Variants in CCDC178 observed in about 807,000 individuals in gnomAD.
The protein encoded by CCDC178 is coiled-coil domain containing 178, also known as coiled-coil domain-containing protein 178.
In CCDC178, 126 loss-of-function variants were observed where a neutral mutation model predicts 117.4. That is an observed-to-expected ratio of 1.07 (90% CI 0.93 to 1.24). The LOEUF (loss-of-function observed/expected upper bound fraction) is 1.24. Ranked by LOEUF, CCDC178 falls within the 50% of genes most tolerant of loss-of-function variation. The pLI is 0.00. For synonymous variants in CCDC178, 283 were observed against 313.4 expected (o/e 0.90, Z 1.02); for missense variants, 1,030 against 986.9 (o/e 1.04, Z -0.59).
chr18:33,406,215 A>T (rs2063778758), intron 3 of CCDC178, among the ~76,000 whole-genome samples: 2 of 152,124 alleles, frequency 1.3e-5, no homozygotes, highest in Admixed American at 6.6e-5. Flanking sequence ...CTTATTTGTA[A>T]TTGTAAACGG....
chr18:33,209,476 C>G (rs1291994123), intron 20 of CCDC178, among the ~76,000 whole-genome samples: 3 of 152,018 alleles, frequency 2.0e-5, no homozygotes, highest in Admixed American at 2.0e-4. Flanking sequence ...AGGAACACCT[C>G]AGATTAGTAA....
intron 20 of CCDC178, among the ~76,000 whole-genome samples, chr18:33,122,142 G>A (rs866335955): frequency 1.3e-5 from 2 of 152,126 alleles, no homozygotes; most frequent in South Asian, 4.1e-4. Context: ...ATACAAAAGT[G>A]TCCTGTAGAC....
chr18:33,138,967 T>C (rs1010730700), intron 20 of CCDC178, among the ~76,000 whole-genome samples: 3 of 152,170 alleles, frequency 2.0e-5, no homozygotes, highest in East Asian at 1.9e-4. Flanking sequence ...CCCACCCAAA[T>C]CATATCGTGA....
chr18:33,413,767 C>A (rs2063892008), intron 2 of CCDC178, among the ~76,000 whole-genome samples: 1 of 152,114 alleles, frequency 6.6e-6, no homozygotes, highest in Non-Finnish European at 1.5e-5. Context: ...CCACACAAAA[C>A]TTTGGAAACA....
intron 6 of CCDC178, among the ~76,000 whole-genome samples, chr18:33,367,679 T>A (rs1000210254): frequency 2.0e-5 from 3 of 152,084 alleles, no homozygotes; most frequent in Admixed American, 2.0e-4. Flanking sequence ...AAATACTGCA[T>A]AGATTTGAAC....
chr18:33,295,558 T>C (rs976341636), intron 11 of CCDC178, among the ~76,000 whole-genome samples: 12 of 152,154 alleles, frequency 7.9e-5, no homozygotes, highest in Admixed American at 3.9e-4. Context: ...TTAAAAATCT[T>C]ATATTTTCAA....
At chr18:33,044,069 A>G (rs927561432) in intron 21 of CCDC178, among the ~76,000 whole-genome samples, 49 of 146,570 alleles carry the variant, frequency 3.3e-4, no homozygotes, top group African/African-American at 9.5e-4. Context: ...GTGTGTGTGT[A>G]TGTGTGTGTG....
At position 33,232,275 on chromosome 18, in the gene CCDC178, GA is replaced by G. The variant is rs549234141; in HGVS notation, c.1594-5421del. On this transcript the variant is annotated intron_variant, in intron 15 of 22. Coordinates refer to ENST00000383096, the MANE Select transcript of CCDC178 (RefSeq NM_001105528.4). Reference sequence around the variant, plus strand: ...TCCTGTACTAGGACAAAAGATAGCTGAAAGGAGGACAAACAGTCAATACTGA... The same window carrying G: ...TCCTGTACTAGGACAAAAGATAGCTGAAGGAGGACAAACAGTCAATACTGA... 3.6e-3 allele frequency among the ~76,000 whole-genome samples: 547 copies of G among 152,188 alleles called. 4 individuals carry two copies. Among genetic ancestry groups the G allele is most frequent in the Non-Finnish European group, 2.9e-3 (194 of 68,024 alleles).
chr18:33,175,271 A>G (rs2058651718), intron 20 of CCDC178, among the ~76,000 whole-genome samples: 1 of 152,126 alleles, frequency 6.6e-6, no homozygotes. Flanking sequence ...GTCCCAACCA[A>G]TACCTTAAAG....
intron 20 of CCDC178, among the ~76,000 whole-genome samples, chr18:33,194,289 G>C (rs1249540420): frequency 6.6e-6 from 1 of 152,114 alleles, no homozygotes; most frequent in Non-Finnish European, 1.5e-5. Flanking sequence ...TTGCCACTTA[G>C]AGTAGTTATG....
intron 21 of CCDC178, among the ~76,000 whole-genome samples, chr18:33,014,035 C>G (rs1183868156): frequency 1.3e-5 from 2 of 152,142 alleles, no homozygotes; most frequent in Non-Finnish European, 2.9e-5. Flanking sequence ...GAAAAGTATT[C>G]AAGGAAAACA....
At chr18:33,340,392 G>A (rs902186057) in intron 9 of CCDC178, among the ~76,000 whole-genome samples, 18 of 152,148 alleles carry the variant, frequency 1.2e-4, no homozygotes, top group Non-Finnish European at 2.1e-4. Context: ...GCAGCCTGAC[G>A]ATTCAATAGA....
In CCDC178 at chr18:33,392,012, C is replaced by T. The variant is rs368442490; in HGVS notation, c.119-2383G>A. ...CCAAGTAGCTGGGACTACAGGAGTGCGCCACCATGCCTGGCTAATTTTTTA... is the reference window on the plus strand; with the variant it reads ...CCAAGTAGCTGGGACTACAGGAGTGTGCCACCATGCCTGGCTAATTTTTTA... On this transcript the variant is annotated intron_variant, in intron 4 of 22. Coordinates refer to ENST00000383096, the MANE Select transcript of CCDC178 (RefSeq NM_001105528.4). Among the ~76,000 whole-genome samples the T allele has an allele frequency of 2.2e-4, 34 of 151,872 alleles. No individual in the cohort carries two copies. The East Asian group carries it at 4.5e-3, about 20-fold the overall frequency.
At chr18:33,250,280 C>T (rs568691105) in intron 14 of CCDC178, among the ~76,000 whole-genome samples, 7 of 151,560 alleles carry the variant, frequency 4.6e-5, no homozygotes, top group East Asian at 3.9e-4. Context: ...TTATTTTTTG[C>T]AAAAATATGT....
intron 5 of CCDC178, among the ~76,000 whole-genome samples, chr18:33,375,144 A>T (rs916558120): frequency 1.3e-5 from 2 of 152,170 alleles, no homozygotes; most frequent in Admixed American, 6.6e-5. Context: ...AAAAAAGACC[A>T]CTAAGCATAT....
chr18:32,985,154 A>C (rs1006544478), intron 21 of CCDC178, among the ~76,000 whole-genome samples: 9 of 151,888 alleles, frequency 5.9e-5, no homozygotes, highest in Non-Finnish European at 1.3e-4. Context: ...TTCAAGAAGA[A>C]ATATAGTATA....
At chr18:33,044,578 G>A (rs1008569724) in intron 21 of CCDC178, among the ~76,000 whole-genome samples, 2 of 151,912 alleles carry the variant, frequency 1.3e-5, no homozygotes, top group African/African-American at 2.4e-5. Flanking sequence ...CTCTTGGTGG[G>A]AATGTAAACT....
At position 33,361,994 on chromosome 18, in the gene CCDC178, CT is replaced by C. The variant is rs200992721; in HGVS notation, c.349-5649del. The stretch of plus-strand genomic sequence containing the variant: ...TGAAAGCACCAGCTCGTAAAGATAT[CT>C]TCACACCCATATTCGCTGCAGCATT... On this transcript the variant is annotated intron_variant, in intron 6 of 22. Transcript: ENST00000383096. 5.7e-4 allele frequency among the ~76,000 whole-genome samples: 87 copies of C among 151,724 alleles called. 1 individual carries two copies. In the East Asian group the frequency reaches 0.015, roughly 26 times the overall value.
intron 2 of CCDC178, among the ~76,000 whole-genome samples, chr18:33,423,480 G>C (rs1193566096): frequency 6.6e-6 from 1 of 152,074 alleles, no homozygotes; most frequent in Non-Finnish European, 1.5e-5. Context: ...TATTGTATTA[G>C]TATATCTATT....
Sources: allele counts gnomAD v4.1 joint callset (sites outside exome capture counted in the v4.1 genomes callset), GRCh38; gene constraint gnomAD v4.1.1; transcripts MANE v1.5; gene names NCBI Gene and HGNC (gene_info 2026-07-23, HGNC 2026-07-21).